UBA1: variants seen among roughly 807,000 people sequenced by gnomAD.
UBA1 encodes the protein ubiquitin like modifier activating enzyme 1, also known as ubiquitin-like modifier-activating enzyme 1.
Under a neutral mutation model 84.7 loss-of-function variants are expected in UBA1, and 4 were observed. That is an observed-to-expected ratio of 0.05 (90% CI 0.02 to 0.11). The LOEUF (loss-of-function observed/expected upper bound fraction) is 0.11. Ranked by LOEUF, UBA1 falls within the 10% of genes least tolerant of loss-of-function variation. The pLI, the probability that UBA1 is intolerant of heterozygous loss-of-function variation, is 1.00. For missense variants in UBA1, 513 were observed against 902.8 expected, an observed-to-expected ratio of 0.57 and a Z score of 5.53; for synonymous variants, 364 against 362.6, an observed-to-expected ratio of 1.00 and a Z score of -0.04.
Position 47,214,887 on chromosome X carries a change from C to T in UBA1, c.3135C>T (p.Gly1045=). The change falls in exon 26 of 26, where the codon GGC becomes GGT. Residue 1045 remains glycine, a synonymous_variant. Transcript: ENST00000335972. Reference sequence around the variant, plus strand: ...AGCTGTGCTGTAACGACGAGAGCGGCGAGGATGTCGAGGTTCCCTATGTCC... The same window carrying T: ...AGCTGTGCTGTAACGACGAGAGCGGTGAGGATGTCGAGGTTCCCTATGTCC... ...VLELCCNDES[G]EDVEVPYVRY... The T allele has an allele frequency of 2.5e-6, 3 of 1,211,237 alleles. No individual in the cohort carries two copies. The highest frequency in any genetic ancestry group is 1.7e-5 in the African/African-American group (1 of 57,749).
Position 47,199,633 on chromosome X carries a change from C to G in UBA1, c.480+19C>G, listed in dbSNP as rs200340536. ...TTTCCAGGTATCTTGGGGGTACTAC[C>G]CAGCCTTCTGCCCAGTTTTCTCAGA... is the stretch of plus-strand genomic sequence containing the variant. On this transcript the variant is annotated intron_variant, in intron 5 of 25. Coordinates refer to ENST00000335972, the MANE Select transcript of UBA1 (RefSeq NM_003334.4). 2.7e-4 allele frequency: 326 copies of G among 1,208,284 alleles called. 4 individuals carry two copies. The Admixed American group carries it at 7.0e-3, about 26-fold the overall frequency.
chrX:47,194,098 C>G (rs1432872904), intron 1 of UBA1, 74 bp downstream of exon 1: 3 of 112,064 alleles, frequency 2.7e-5, no homozygotes, highest in Non-Finnish European at 5.6e-5. Context: ...CCCTGAGCCA[C>G]GCTGCTGTCG....
Position 47,199,247 on chromosome X carries a change from C to T in UBA1, c.215C>T (p.Thr72Ile). 8.2e-7 allele frequency: 1 copy of T among 1,212,357 alleles called. No homozygotes were observed. Among genetic ancestry groups the T allele is most frequent in the South Asian group, 1.8e-5 (1 of 57,053 alleles). The stretch of plus-strand genomic sequence containing the variant: ...CATGAGGCAATGAAGCGGCTCCAGA[C>T]ATCCAGTGTCCTGGTATCAGGCCTG... ...LGHEAMKRLQ[T>I]SSVLVSGLRG... Residue 72 changes from threonine to isoleucine, a missense_variant, in exon 4 of 26, where the codon ACA becomes ATA. Physicochemically the swap from Thr to Ile is moderately conservative, Grantham distance 89. Around this residue, in one of 6 missense-constraint regions of UBA1, gnomAD observed 227 missense variants for 339.1 expected, o/e 0.67. Coordinates refer to ENST00000335972, the MANE Select transcript of UBA1 (RefSeq NM_003334.4).
rs782249223 is a variant in UBA1 at position 47,203,028 on chromosome X, C to G, written c.1319C>G (p.Thr440Arg). 5.8e-6 allele frequency: 7 copies of G among 1,209,613 alleles called. No homozygotes were observed. The highest frequency in any genetic ancestry group is 5.9e-5 in the East Asian group (2 of 33,833). ...CTCCCTGAGGACAAAGAGGTCCTCACAGAGGACAAGTGCCTCCAGGTATGT... is the reference window on the plus strand; with the variant it reads ...CTCCCTGAGGACAAAGAGGTCCTCAGAGAGGACAAGTGCCTCCAGGTATGT... ...ECLPEDKEVL[T>R]EDKCLQRQNR... is the part of the protein sequence containing the mutation. The change falls in exon 12 of 26, where the codon ACA becomes AGA. Residue 440 changes from threonine (T) to arginine (R), a missense_variant. Around this residue, in one of 6 missense-constraint regions of UBA1, gnomAD observed 227 missense variants for 339.1 expected, o/e 0.67. Coordinates refer to ENST00000335972, the MANE Select transcript of UBA1 (RefSeq NM_003334.4).
chrX:47,202,425 C>G lies in UBA1; in HGVS notation c.977C>G (p.Pro326Arg), dbSNP rs782052714. 2 of 1,209,695 alleles carry G rather than the reference C, an allele frequency of 1.7e-6. No homozygotes were observed. Among genetic ancestry groups the G allele is most frequent in the Admixed American group, 2.2e-5 (1 of 45,877 alleles). ...VVTDFAKFSR[P>R]AQLHIGFQAL... ...ACGGACTTCGCCAAGTTTTCTCGCCCTGCCCAGCTGCACATTGGCTTCCAG... is the reference window on the plus strand; with the variant it reads ...ACGGACTTCGCCAAGTTTTCTCGCCGTGCCCAGCTGCACATTGGCTTCCAG... Residue 326 changes from proline (P) to arginine (R), a missense_variant, in exon 10 of 26, where the codon CCT becomes CGT. By Grantham distance (103) the Pro-to-Arg change is moderately radical (BLOSUM62 -2). Transcript: ENST00000335972.
chrX:47,214,758 C>T, intron 25 of UBA1, 36 bp from the exon 26 acceptor site: 7 of 1,208,430 alleles, frequency 5.8e-6, no homozygotes, highest in South Asian at 1.8e-5. Flanking sequence ...TGCTTTCTGC[C>T]CTCCTGACCC....
rs1936993532 is a variant in UBA1, at chrX:47,213,058, G to A, written c.2715G>A (p.Val905=). 1 of 1,212,173 alleles carries A rather than the reference G, an allele frequency of 8.2e-7. No individual in the cohort carries two copies. The highest frequency in any genetic ancestry group is 3.0e-5 in the East Asian group (1 of 33,865). Residue 905 remains valine (V), a synonymous_variant, in exon 23 of 26, where the codon GTG becomes GTA. Coordinates refer to ENST00000335972, the MANE Select transcript of UBA1 (RefSeq NM_003334.4). ...CCACAGCAGCCGTGGTTGGCCTTGT[G>A]TGTCTGGAGCTGTACAAGGTTGTGC... ...ATTTAAVVGL[V]CLELYKVVQG...
chrX:47,197,624 C>G, intron 1 of UBA1: 3 of 754,195 alleles, frequency 4.0e-6, no homozygotes, highest in Non-Finnish European at 4.7e-6. Flanking sequence ...CCACAGCAGG[C>G]TTTATTGTTC....
chrX:47,214,291 T>G (rs1316713783), intron 23 of UBA1, 36 bp from the exon 24 acceptor site: 1 of 1,160,971 alleles, frequency 8.6e-7, no homozygotes, highest in African/African-American at 1.8e-5. Flanking sequence ...CCCTCTGGGA[T>G]GGTCTCCATC....
chrX:47,199,787 CTTT>C (rs371252758), intron 5 of UBA1, among the ~76,000 whole-genome samples, 173 bp downstream of exon 5: 1 of 101,957 alleles, frequency 9.8e-6, no homozygotes. Context: ...TTCTTTTCTT[CTTT>C]TTTTTTTTTT....
At position 47,213,010 on chromosome X, in the gene UBA1, G is replaced by C. The variant is rs1936992050; in HGVS notation, c.2667G>C (p.Lys889Asn). ...DRHKSKLIAG[K>N]IIPAIATTTA... ...CTCAGAGCAAGCTGATTGCAGGGAAGATCATCCCAGCCATTGCCACGACCA... is the reference window on the plus strand; with the variant it reads ...CTCAGAGCAAGCTGATTGCAGGGAACATCATCCCAGCCATTGCCACGACCA... Residue 889 changes from lysine to asparagine, a missense_variant, in exon 23 of 26, where the codon AAG becomes AAC. Lys to Asn is a moderately conservative substitution (Grantham distance 94). This residue lies in a region of UBA1 where 151 missense variants were observed against 260.1 expected (regional missense o/e 0.58). Transcript: ENST00000335972. 1.7e-6 allele frequency: 2 copies of C among 1,210,341 alleles called. No individual in the cohort carries two copies. Among genetic ancestry groups the C allele is most frequent in the Non-Finnish European group, 2.2e-6 (2 of 895,314 alleles).
Position 47,202,899 on chromosome X carries a change from C to T in UBA1, c.1234-44C>T, listed in dbSNP as rs782540189. The T allele has an allele frequency of 6.0e-5, 72 of 1,200,580 alleles. No individual in the cohort carries two copies. The East Asian group carries it at 8.6e-4, about 14-fold the overall frequency. On this transcript the variant is annotated intron_variant, in intron 11 of 25. Coordinates refer to ENST00000335972, the MANE Select transcript of UBA1 (RefSeq NM_003334.4). The stretch of plus-strand genomic sequence containing the variant: ...ACTTGCTCTCTGTCTGTGTCAGGCC[C>T]CTGTTAACCACTGACCACCCCCTCT...
At position 47,212,477 on chromosome X, in the gene UBA1, C is replaced by T. The variant is rs1556793782; in HGVS notation, c.2518C>T (p.Pro840Ser). The T allele has an allele frequency of 1.7e-6, 2 of 1,210,972 alleles. No individual in the cohort carries two copies. The highest frequency in any genetic ancestry group is 2.2e-5 in the Admixed American group (1 of 46,016). The change falls in exon 21 of 26, where the codon CCT becomes TCT. Residue 840 changes from proline (P) to serine (S), a missense_variant. Physicochemically the swap from Pro to Ser is moderately conservative, Grantham distance 74. This residue lies in a region of UBA1 where 151 missense variants were observed against 260.1 expected (regional missense o/e 0.58). Coordinates refer to ENST00000335972, the MANE Select transcript of UBA1 (RefSeq NM_003334.4). ...CACTCTGCCCAGCCCAGACAAGCTC[C>T]CTGGATTCAAGATGTACCCCATTGA... ...KATLPSPDKL[P>S]GFKMYPIDFE...
Position 47,213,022 on chromosome X carries a change from C to A in UBA1, c.2679C>A (p.Ala893=). 1 of 1,210,472 alleles carries A rather than the reference C, an allele frequency of 8.3e-7. No homozygotes were observed. Among genetic ancestry groups the A allele is most frequent in the Non-Finnish European group, 1.1e-6 (1 of 895,309 alleles). ...TGATTGCAGGGAAGATCATCCCAGC[C>A]ATTGCCACGACCACAGCAGCCGTGG... is the stretch of plus-strand genomic sequence containing the variant. ...SKLIAGKIIP[A]IATTTAAVVG... The change falls in exon 23 of 26, where the codon GCC becomes GCA. Residue 893 remains alanine (A), a synonymous_variant. Coordinates refer to ENST00000335972, the MANE Select transcript of UBA1 (RefSeq NM_003334.4).
Position 47,199,273 on chromosome X carries a change from C to T in UBA1, c.241C>T (p.Arg81Trp), listed in dbSNP as rs1168231329. ...ATCCAGTGTCCTGGTATCAGGCCTGCGGGGCCTGGGCGTGGAGATCGCTAA... is the reference window on the plus strand; with the variant it reads ...ATCCAGTGTCCTGGTATCAGGCCTGTGGGGCCTGGGCGTGGAGATCGCTAA... ...QTSSVLVSGL[R>W]GLGVEIAKNI... The change falls in exon 4 of 26, where the codon CGG (arginine) becomes TGG (tryptophan). Residue 81 changes from arginine (R) to tryptophan (W), a missense_variant. Transcript: ENST00000335972. 5 of 1,210,448 alleles carry T rather than the reference C, an allele frequency of 4.1e-6. No homozygotes were observed. The highest frequency in any genetic ancestry group is 3.5e-5 in the African/African-American group (2 of 57,323).
intron 5 of UBA1, among the ~76,000 whole-genome samples, chrX:47,200,307 A>G (rs1313537053): frequency 5.3e-5 from 6 of 112,209 alleles, no homozygotes; most frequent in Non-Finnish European, 1.1e-4. Context: ...AACACGTGGA[A>G]TTGCAGCTGG....
At chrX:47,195,233 C>G (rs1302171795) in intron 1 of UBA1, among the ~76,000 whole-genome samples, 4 of 111,123 alleles carry the variant, frequency 3.6e-5, no homozygotes, top group Admixed American at 9.5e-5. Flanking sequence ...CCCCACAGGC[C>G]TTCTTGTTTT....
intron 14 of UBA1, chrX:47,205,350 C>T (rs1556790344): frequency 3.1e-6 from 1 of 319,316 alleles, no homozygotes; most frequent in South Asian, 2.8e-5. Flanking sequence ...GGTGCTGTTA[C>T]CTGAAAAAAT....
At chrX:47,206,811 A>C in intron 16 of UBA1, 1 of 254,600 alleles carries the variant, frequency 3.9e-6, no homozygotes. Context: ...ACAGCCCTTT[A>C]CTCCCTACTA....
Sources: gnomAD v4.1 joint callset for allele counts (sites outside exome capture counted in the v4.1 genomes callset) on GRCh38, gnomAD v4.1.1 for gene constraint, gnomAD v4.1.1 regional missense constraint, MANE v1.5 for transcripts, NCBI Gene and HGNC (gene_info 2026-07-23, HGNC 2026-07-21) for gene names.